The following KCNH5 variants were observed in gnomAD, a reference collection of about 807,000 sequenced individuals.
KCNH5 encodes the protein voltage-gated delayed rectifier potassium channel KCNH5.
In KCNH5, 46 loss-of-function variants were observed where a neutral mutation model predicts 96.1. The observed-to-expected ratio is 0.48, with a 90% confidence interval of 0.38 to 0.61. The LOEUF is 0.61. Ranked by LOEUF, KCNH5 falls within the 20% of genes least tolerant of loss-of-function variation. The pLI is 0.00. For missense variants in KCNH5, 907 were observed against 1,225.8 expected (o/e 0.74, Z 3.88); for synonymous variants, 439 against 449.8 (o/e 0.98, Z 0.30).
chr14:62,902,866 G>A (rs1888956261), intron 7 of KCNH5, among the ~76,000 whole-genome samples: 2 of 151,610 alleles, frequency 1.3e-5, no homozygotes. Flanking sequence ...ATTACAGGCG[G>A]TGCCACCACC....
At chr14:62,890,735 T>C (rs1021500485) in intron 7 of KCNH5, among the ~76,000 whole-genome samples, 2 of 130,634 alleles carry the variant, frequency 1.5e-5, no homozygotes, top group South Asian at 2.5e-4. Flanking sequence ...GCAAAGGACA[T>C]AAACAGACAC....
At chr14:62,734,708 T>C (rs1349799218) in intron 10 of KCNH5, among the ~76,000 whole-genome samples, 1 of 152,146 alleles carries the variant, frequency 6.6e-6, no homozygotes, top group Non-Finnish European at 1.5e-5. Flanking sequence ...AAATTACCTA[T>C]TAGCATCTCT....
At chr14:62,716,380 CA>C (rs1260217665) in intron 10 of KCNH5, among the ~76,000 whole-genome samples, 3 of 152,126 alleles carry the variant, frequency 2.0e-5, no homozygotes, top group Non-Finnish European at 4.4e-5. Context: ...CTAAAAATTA[CA>C]GAATAAAATC....
intron 6 of KCNH5, among the ~76,000 whole-genome samples, chr14:62,975,909 T>G (rs912268384): frequency 2.6e-5 from 4 of 152,130 alleles, no homozygotes; most frequent in Non-Finnish European, 5.9e-5. Context: ...TCATAAAATA[T>G]ATATCCAGAA....
chr14:62,857,932 C>A (rs565234166), intron 7 of KCNH5, among the ~76,000 whole-genome samples: 1 of 152,062 alleles, frequency 6.6e-6, no homozygotes. Flanking sequence ...CAAATAAAGA[C>A]AATAATAAAG....
At chr14:62,978,797 A>G (rs1159171120) in intron 6 of KCNH5, among the ~76,000 whole-genome samples, 1 of 152,164 alleles carries the variant, frequency 6.6e-6, no homozygotes, top group African/African-American at 2.4e-5. Flanking sequence ...TAATTGACAG[A>G]AATAATTGCA....
intron 10 of KCNH5, among the ~76,000 whole-genome samples, chr14:62,758,132 A>G (rs1193242213): frequency 6.8e-6 from 1 of 147,064 alleles, no homozygotes; most frequent in Non-Finnish European, 1.5e-5. Context: ...TGACAGAGCG[A>G]GACTCCATCT....
Position 62,980,906 on chromosome 14 carries a change from TA to T in KCNH5, c.907del (p.Tyr303MetfsTer21). On this transcript the variant is annotated frameshift_variant, in exon 6 of 11. Coordinates refer to ENST00000322893, the MANE Select transcript of KCNH5 (RefSeq NM_139318.5). LOFTEE classifies it high-confidence loss of function. ...ATTTTCAAAGGCATTGATGATGTCA[TA>T]AGGTAAACAAGACAGCAGATCGATC... The part of the protein sequence containing the change: ...FVIDLLSCLP[Y>X]DIINAFENVD... 6.2e-7 allele frequency: 1 copy of T among 1,614,062 alleles called. No individual in the cohort carries two copies. The highest frequency in any genetic ancestry group is 8.5e-7 in the Non-Finnish European group (1 of 1,180,008).
rs562899617 is a variant in KCNH5 at position 62,709,903 on chromosome 14, T to C, written c.2020-1448A>G. Among the ~76,000 whole-genome samples the C allele has an allele frequency of 1.8e-4, 28 of 152,230 alleles. No individual in the cohort carries two copies. In the South Asian group the frequency reaches 5.6e-3, roughly 30 times the overall value. ...ATAAGGCACTTTCAGAATCAGACAATTTTATCACTCAAGGAAAATAACTTA... is the reference window on the plus strand; with the variant it reads ...ATAAGGCACTTTCAGAATCAGACAACTTTATCACTCAAGGAAAATAACTTA... On this transcript the variant is annotated intron_variant, in intron 10 of 10. Transcript: ENST00000322893.
At chr14:62,766,705 G>A (rs778180172) in intron 10 of KCNH5, among the ~76,000 whole-genome samples, 1 of 152,048 alleles carries the variant, frequency 6.6e-6, no homozygotes, top group African/African-American at 2.4e-5. Context: ...GGCCTGGGTC[G>A]GGGTACTTGG....
chr14:62,758,417 C>A (rs1208773833), intron 10 of KCNH5, among the ~76,000 whole-genome samples: 2 of 151,974 alleles, frequency 1.3e-5, no homozygotes, highest in African/African-American at 2.4e-5. Flanking sequence ...AAATAAAATT[C>A]TTTTAAAAAA....
chr14:62,747,236 A>G (rs566258765), intron 10 of KCNH5, among the ~76,000 whole-genome samples: 159 of 152,282 alleles, frequency 1.0e-3, no homozygotes, highest in African/African-American at 3.6e-3. Flanking sequence ...TCAGGAGGCC[A>G]AGGCAGAAGA....
intron 2 of KCNH5, among the ~76,000 whole-genome samples, chr14:63,013,655 G>T (rs1008674000): frequency 6.6e-6 from 1 of 152,026 alleles, no homozygotes; most frequent in East Asian, 1.9e-4. Context: ...GGAAAAAAGC[G>T]ATATGTAAAA....
chr14:62,890,021 C>T (rs953443395), intron 7 of KCNH5, among the ~76,000 whole-genome samples: 6 of 152,122 alleles, frequency 3.9e-5, no homozygotes, highest in Non-Finnish European at 8.8e-5. Flanking sequence ...GGAGAACTGG[C>T]TAGCCATACG....
rs758395934 is a variant in KCNH5 at position 62,816,452 on chromosome 14, GACCCTGATCGATAT to G, written c.1570-13885_1570-13872del. 1.7e-3 allele frequency among the ~76,000 whole-genome samples: 254 copies of G among 152,036 alleles called. No homozygotes were observed. In the Middle Eastern group the frequency reaches 0.017, roughly 10 times the overall value. On this transcript the variant is annotated intron_variant, in intron 8 of 10. Coordinates refer to ENST00000322893, the MANE Select transcript of KCNH5 (RefSeq NM_139318.5). ...CACTATGCTGACACTTAACAAAGCAGACCCTGATCGATATGTTTTCATTTAGTAAAGCCTGTTAC... is the reference window on the plus strand; with the variant it reads ...CACTATGCTGACACTTAACAAAGCAGGTTTTCATTTAGTAAAGCCTGTTAC...
rs571181206 is a variant in KCNH5, at chr14:62,842,326, C to T, written c.1569+7327G>A. ...TTTACTTAACTTGTGATACGTGAAA[C>T]GAAAAAACTGAGGTTTCAAATAAAG... is the stretch of plus-strand genomic sequence containing the variant. On this transcript the variant is annotated intron_variant, in intron 8 of 10. Transcript: ENST00000322893. Among the ~76,000 whole-genome samples the T allele has an allele frequency of 2.0e-5, 3 of 152,016 alleles. No homozygotes were observed. The South Asian group carries it at 6.2e-4, about 32-fold the overall frequency.
intron 6 of KCNH5, among the ~76,000 whole-genome samples, chr14:62,955,932 C>T (rs951162637): frequency 2.0e-5 from 3 of 152,162 alleles, no homozygotes; most frequent in African/African-American, 7.2e-5. Flanking sequence ...AGAAGTATCA[C>T]TCAGACCCAG....
At chr14:62,737,771 T>C (rs981195001) in intron 10 of KCNH5, among the ~76,000 whole-genome samples, 1 of 152,068 alleles carries the variant, frequency 6.6e-6, no homozygotes, top group African/African-American at 2.4e-5. Context: ...CTTTAAAATG[T>C]CTAAAAACAG....
At chr14:62,822,668 G>GAAA (rs60393982) in intron 8 of KCNH5, among the ~76,000 whole-genome samples, 16 of 135,632 alleles carry the variant, frequency 1.2e-4, no homozygotes, top group African/African-American at 3.2e-4. Context: ...TACGTAAAAT[G>GAAA]AAAAAAAAAA....
Sources: allele counts gnomAD v4.1 joint callset (sites outside exome capture counted in the v4.1 genomes callset), GRCh38; gene constraint gnomAD v4.1.1; transcripts MANE v1.5; gene names NCBI Gene and HGNC (gene_info 2026-07-23, HGNC 2026-07-21).